GTF2E1: variants seen among roughly 807,000 people sequenced by gnomAD.
GTF2E1 encodes the protein general transcription factor IIE subunit 1.
A neutral mutation model predicts 34.9 loss-of-function variants in GTF2E1; 14 were observed. The observed-to-expected ratio is 0.40, with a 90% CI of 0.27 to 0.63. The LOEUF (loss-of-function observed/expected upper bound fraction) is 0.63. Ranked by LOEUF, GTF2E1 falls within the 20% of genes least tolerant of loss-of-function variation. The probability of loss-of-function intolerance (pLI) is 0.39; values close to 1 mark genes in which losing one functional copy is unlikely to be tolerated. For missense variants in GTF2E1, 469 were observed against 557.7 expected (o/e 0.84, Z 1.60); for synonymous variants, 188 against 192.9 (o/e 0.97, Z 0.21).
intron 4 of GTF2E1, among the ~76,000 whole-genome samples, chr3:120,780,067 T>TA (rs1709434095): frequency 6.6e-6 from 1 of 152,230 alleles, no homozygotes; most frequent in African/African-American, 2.4e-5. Flanking sequence ...ATTCTTTTTT[T>TA]ATAAAGAGTT....
At chr3:120,778,117 G>C (rs1301816723) in intron 4 of GTF2E1, among the ~76,000 whole-genome samples, 1 of 152,156 alleles carries the variant, frequency 6.6e-6, no homozygotes, top group African/African-American at 2.4e-5. Context: ...TTGGCTTCTT[G>C]CCTGTTCTTA....
At chr3:120,776,293 C>A in intron 3 of GTF2E1, 130 bp from the exon 4 acceptor site, 1 of 771,962 alleles carries the variant, frequency 1.3e-6, no homozygotes, top group Non-Finnish European at 2.1e-6. Context: ...ATTGTTAAAG[C>A]ATGTGTGCAT....
chr3:120,745,328 T>A (rs936539798), intron 1 of GTF2E1, among the ~76,000 whole-genome samples: 1 of 152,182 alleles, frequency 6.6e-6, no homozygotes, highest in Non-Finnish European at 1.5e-5. Flanking sequence ...AGTCCTCATA[T>A]CACTCCCTTA....
intron 2 of GTF2E1, among the ~76,000 whole-genome samples, chr3:120,765,031 C>A (rs1709295463): frequency 6.7e-6 from 1 of 149,652 alleles, no homozygotes; most frequent in African/African-American, 2.5e-5. Flanking sequence ...CTTCCCCCCA[C>A]CCTCCCCATC....
intron 2 of GTF2E1, among the ~76,000 whole-genome samples, chr3:120,769,195 C>T (rs1379437580): frequency 6.9e-6 from 1 of 145,408 alleles, no homozygotes; most frequent in African/African-American, 2.6e-5. Context: ...TATCTTTTAC[C>T]TAAAAAAAAA....
chr3:120,781,702 T>C lies in GTF2E1; in HGVS notation c.*232T>C. The stretch of plus-strand genomic sequence containing the variant: ...TGTCACTACAGTATTAATATTTTAC[T>C]GTATTTTCTTTTCTTTTTTTTTTTT... On this transcript the variant is annotated 3_prime_UTR_variant, in exon 5 of 5. Transcript: ENST00000283875. 1 of 437,510 alleles carries C rather than the reference T, an allele frequency of 2.3e-6. No individual in the cohort carries two copies. 27.1% of individuals were successfully genotyped at this position (437,510 alleles called of 1,614,324 possible). A position where few individuals can be genotyped will look rare whatever the true frequency, so the allele number is the denominator to read the frequency against.
At position 120,781,046 on chromosome 3, in the gene GTF2E1, G is replaced by T; in HGVS notation, c.896G>T (p.Gly299Val). 6.2e-7 allele frequency: 1 copy of T among 1,604,838 alleles called. No individual in the cohort carries two copies. ...CTTTCTGAGTTTTACTCCCCAGGGGGCATAGATATGGACGCATTTCAGGAG... is the reference window on the plus strand; with the variant it reads ...CTTTCTGAGTTTTACTCCCCAGGGGTCATAGATATGGACGCATTTCAGGAG... Reference protein sequence around the residue: ...AYGSEDMKEGGIDMDAFQERE... With the variant: ...AYGSEDMKEGVIDMDAFQERE... The change falls in exon 5 of 5, where the codon GGC (glycine) becomes GTC (valine). Residue 299 changes from glycine (G) to valine (V), a missense_variant. Physicochemically the swap from Gly to Val is moderately radical, Grantham distance 109. Transcript: ENST00000283875.
chr3:120,749,955 G>T (rs1709148244), intron 1 of GTF2E1: 1 of 152,140 alleles, frequency 6.6e-6, no homozygotes, highest in Non-Finnish European at 1.5e-5. Flanking sequence ...TTTCAAGGTT[G>T]GTAAAACTGT....
chr3:120,752,862 C>T (rs1709177132), intron 2 of GTF2E1, among the ~76,000 whole-genome samples: 1 of 152,158 alleles, frequency 6.6e-6, no homozygotes, highest in Non-Finnish European at 1.5e-5. Flanking sequence ...AAGAATAAGC[C>T]ACTTAATCTT....
chr3:120,760,684 G>A lies in GTF2E1; in HGVS notation c.448+9684G>A, dbSNP rs909371624. On this transcript the variant is annotated intron_variant, in intron 2 of 4. Coordinates refer to ENST00000283875, the MANE Select transcript of GTF2E1 (RefSeq NM_005513.3). ...CTTTTCTGCATCTATTGAGATAATC[G>A]TGTGCTTTTTGTCATTGGTTCTGTT... is the stretch of plus-strand genomic sequence containing the variant. Among the ~76,000 whole-genome samples the A allele has an allele frequency of 3.3e-5, 5 of 152,056 alleles. No homozygotes were observed. In the East Asian group the frequency reaches 5.8e-4, roughly 18 times the overall value.
rs771735336 is a variant in GTF2E1, at chr3:120,776,478, C to T, written c.706C>T (p.Arg236Trp). ...TGCTAGCCTAGCAGGTGGGCACCACCGGGAAGCATGGGCCACCAAAGGTCC... is the reference window on the plus strand; with the variant it reads ...TGCTAGCCTAGCAGGTGGGCACCACTGGGAAGCATGGGCCACCAAAGGTCC... ...GAASLAGGHHREAWATKGPSY... is the reference protein window; with the variant it reads ...GAASLAGGHHWEAWATKGPSY... Residue 236 changes from arginine to tryptophan, a missense_variant, in exon 4 of 5, where the codon CGG (arginine) becomes TGG (tryptophan). By Grantham distance (101) the Arg-to-Trp change is moderately radical. Transcript: ENST00000283875. 1.1e-5 allele frequency: 17 copies of T among 1,613,598 alleles called. No homozygotes were observed. Among genetic ancestry groups the T allele is most frequent in the Middle Eastern group, 1.6e-4 (1 of 6,080 alleles).
chr3:120,744,134 CA>C (rs1709084313), intron 1 of GTF2E1, among the ~76,000 whole-genome samples: 1 of 152,182 alleles, frequency 6.6e-6, no homozygotes, highest in South Asian at 2.1e-4. Context: ...CAGATATTTC[CA>C]ATTTTGCAAG....
At chr3:120,758,691 G>A (rs772270503) in intron 2 of GTF2E1, among the ~76,000 whole-genome samples, 58 of 152,054 alleles carry the variant, frequency 3.8e-4, no homozygotes, top group Admixed American at 6.6e-4. Context: ...CTGACTTTGT[G>A]ATAGTTGGCT....
At chr3:120,771,869 C>G (rs1367565259) in intron 3 of GTF2E1, among the ~76,000 whole-genome samples, 3 of 152,156 alleles carry the variant, frequency 2.0e-5, no homozygotes, top group African/African-American at 7.2e-5. Flanking sequence ...ACAGAATATC[C>G]AGCTCTAGTT....
intron 2 of GTF2E1, among the ~76,000 whole-genome samples, chr3:120,754,344 G>A (rs544794484): frequency 1.7e-4 from 26 of 152,196 alleles, no homozygotes; most frequent in African/African-American, 5.3e-4. Context: ...AGCCTTTTAC[G>A]TATTACCTAC....
chr3:120,776,170 C>T (rs1709397052), intron 3 of GTF2E1, among the ~76,000 whole-genome samples: 1 of 152,102 alleles, frequency 6.6e-6, no homozygotes, highest in Admixed American at 6.5e-5. Context: ...TATAAAACCT[C>T]AGTCATTTAT....
intron 2 of GTF2E1, among the ~76,000 whole-genome samples, chr3:120,760,223 ACT>A (rs776246598): frequency 1.3e-4 from 20 of 151,464 alleles, no homozygotes; most frequent in Non-Finnish European, 2.5e-4. Flanking sequence ...TCATGATTTG[ACT>A]CTCTGTTTAT....
chr3:120,772,421 T>C (rs953738987), intron 3 of GTF2E1, among the ~76,000 whole-genome samples: 2 of 152,166 alleles, frequency 1.3e-5, no homozygotes, highest in African/African-American at 4.8e-5. Flanking sequence ...GGAGCCACAG[T>C]TGATAGGAAA....
chr3:120,747,244 TTTTTA>T (rs1464559504), intron 1 of GTF2E1, among the ~76,000 whole-genome samples: 1 of 151,134 alleles, frequency 6.6e-6, no homozygotes, highest in Non-Finnish European at 1.5e-5. Flanking sequence ...ATTTTTATTA[TTTTTA>T]TTTTATTATT....
Sources: gnomAD v4.1 joint callset for allele counts (sites outside exome capture counted in the v4.1 genomes callset) on GRCh38, gnomAD v4.1.1 for gene constraint, MANE v1.5 for transcripts, NCBI Gene and HGNC (gene_info 2026-07-23, HGNC 2026-07-21) for gene names.